ATXN1: variants seen among roughly 807,000 people sequenced by gnomAD.
The protein encoded by ATXN1 is ataxin-1.
Under a neutral mutation model 56.4 loss-of-function variants are expected in ATXN1, and 8 were observed. That is an observed-to-expected ratio of 0.14 (90% CI 0.08 to 0.26). The LOEUF (loss-of-function observed/expected upper bound fraction) is 0.26. ATXN1 is among the 10% of genes least tolerant of loss of function. The pLI is 1.00. For synonymous variants in ATXN1, 514 were observed against 494.6 expected, an observed-to-expected ratio of 1.04 and a Z score of -0.52; for missense variants, 987 against 1,106.5, an observed-to-expected ratio of 0.89 and a Z score of 1.53.
At chr6:16,647,056 A>G (rs1400535267) in intron 3 of ATXN1, among the ~76,000 whole-genome samples, 3 of 152,046 alleles carry the variant, frequency 2.0e-5, no homozygotes, top group Non-Finnish European at 4.4e-5. Flanking sequence ...CCAGGCTGGA[A>G]TGCAGTGGCA....
intron 6 of ATXN1, among the ~76,000 whole-genome samples, chr6:16,429,059 G>A (rs1373611985): frequency 6.6e-6 from 1 of 151,578 alleles, no homozygotes; most frequent in Non-Finnish European, 1.5e-5. Context: ...GGGTAGGGGG[G>A]TGGGAGGTCA....
intron 3 of ATXN1, among the ~76,000 whole-genome samples, chr6:16,590,272 A>G (rs1762699861): frequency 6.6e-6 from 1 of 152,246 alleles, no homozygotes; most frequent in Non-Finnish European, 1.5e-5. Context: ...GCAGAAATTT[A>G]ATGAAATAGA....
chr6:16,542,675 A>G (rs1283378328), intron 4 of ATXN1, among the ~76,000 whole-genome samples: 2 of 152,212 alleles, frequency 1.3e-5, no homozygotes, highest in African/African-American at 4.8e-5. Context: ...GACACATTCA[A>G]AAGACAGTTG....
intron 6 of ATXN1, among the ~76,000 whole-genome samples, chr6:16,445,626 C>A (rs976487664): frequency 1.4e-4 from 21 of 150,618 alleles, no homozygotes; most frequent in African/African-American, 4.2e-4. Context: ...GCACCCATTA[C>A]CTCGTCATCT....
At chr6:16,710,840 G>A (rs559565545) in intron 2 of ATXN1, among the ~76,000 whole-genome samples, 3 of 152,054 alleles carry the variant, frequency 2.0e-5, no homozygotes, top group East Asian at 1.9e-4. Context: ...TTTCTGCCTC[G>A]GCCTCCCAAA....
intron 3 of ATXN1, among the ~76,000 whole-genome samples, chr6:16,653,655 T>C (rs1422534782): frequency 2.0e-5 from 3 of 152,114 alleles, no homozygotes; most frequent in African/African-American, 7.2e-5. Flanking sequence ...CCAACAGAGT[T>C]AGTGATTACA....
intron 4 of ATXN1, among the ~76,000 whole-genome samples, chr6:16,563,898 G>A (rs1450644248): frequency 6.6e-6 from 1 of 152,184 alleles, no homozygotes; most frequent in East Asian, 1.9e-4. Context: ...CGGAGCATCT[G>A]ATTTATATTC....
At chr6:16,680,810 CT>C (rs1758798147) in intron 2 of ATXN1, among the ~76,000 whole-genome samples, 1 of 152,206 alleles carries the variant, frequency 6.6e-6, no homozygotes, top group Non-Finnish European at 1.5e-5. Context: ...TCTTCCCCCT[CT>C]TTAGGACTAA....
chr6:16,752,487 C>T (rs1484322194), intron 2 of ATXN1, among the ~76,000 whole-genome samples: 2 of 152,166 alleles, frequency 1.3e-5, no homozygotes, highest in African/African-American at 4.8e-5. Context: ...AGTCTGTCTT[C>T]ACAGTTTCAA....
chr6:16,340,918 G>T (rs1246917139), intron 6 of ATXN1, among the ~76,000 whole-genome samples: 1 of 152,204 alleles, frequency 6.6e-6, no homozygotes, highest in Non-Finnish European at 1.5e-5. Context: ...CTCAGAGAAA[G>T]CCTCCCTGTG....
intron 6 of ATXN1, among the ~76,000 whole-genome samples, chr6:16,423,798 A>G (rs2237208): frequency 0.18 from 27,075 of 152,200 alleles, 2,392 homozygotes; most frequent in Admixed American, 0.2. Flanking sequence ...TGCTGGTATC[A>G]TGCATACACA....
chr6:16,331,546 A>G (rs1169491619), intron 6 of ATXN1, among the ~76,000 whole-genome samples: 1 of 152,178 alleles, frequency 6.6e-6, no homozygotes, highest in Non-Finnish European at 1.5e-5. Flanking sequence ...AAAACCCCAC[A>G]GGGTTTCATG....
chr6:16,627,700 C>T (rs1763431832), intron 3 of ATXN1, among the ~76,000 whole-genome samples: 1 of 152,124 alleles, frequency 6.6e-6, no homozygotes, highest in Non-Finnish European at 1.5e-5. Context: ...GCACTCCAGC[C>T]TGGGTGGCAG....
At chr6:16,745,923 C>T (rs1760516687) in intron 2 of ATXN1, among the ~76,000 whole-genome samples, 1 of 141,796 alleles carries the variant, frequency 7.1e-6, no homozygotes, top group Admixed American at 7.3e-5. Context: ...CTCTTAAATG[C>T]TATGCCTTCC....
intron 2 of ATXN1, among the ~76,000 whole-genome samples, chr6:16,697,569 A>C (rs1169754251): frequency 6.6e-6 from 1 of 150,548 alleles, no homozygotes; most frequent in South Asian, 2.1e-4. Flanking sequence ...TTTTTTTCCT[A>C]TGCTGTTTCC....
chr6:16,663,362 G>A (rs1474686650), intron 2 of ATXN1, among the ~76,000 whole-genome samples: 11 of 151,980 alleles, frequency 7.2e-5, no homozygotes, highest in Admixed American at 5.2e-4. Context: ...AGTAGGAACC[G>A]GCAAGACCAA....
chr6:16,299,761 T>C lies in ATXN1; in HGVS notation c.*6568A>G, dbSNP rs776896751. 14 of 152,696 alleles carry C rather than the reference T, an allele frequency of 9.2e-5. No homozygotes were observed. Among genetic ancestry groups the C allele is most frequent in the African/African-American group, 9.6e-5 (4 of 41,466 alleles). The allele number at this position is 152,696 out of a possible 1,614,324, so 9.5% of individuals were successfully genotyped here. A position where few individuals can be genotyped will look rare whatever the true frequency, so the allele number is the denominator to read the frequency against. ...CACCACAAATACTGACAGGACTATC[T>C]TGAAACCTCCTTTCGGCTGACACTA... On this transcript the variant is annotated 3_prime_UTR_variant, in exon 8 of 8. Coordinates refer to ENST00000436367, the MANE Select transcript of ATXN1 (RefSeq NM_001128164.2).
intron 4 of ATXN1, among the ~76,000 whole-genome samples, chr6:16,551,413 T>C (rs972397282): frequency 4.3e-5 from 1 of 23,490 alleles, no homozygotes; most frequent in Non-Finnish European, 6.6e-5. Context: ...TCTGAGCTAA[T>C]GCTAAAGAAA....
At chr6:16,566,419 T>C (rs1167123854) in intron 4 of ATXN1, among the ~76,000 whole-genome samples, 2 of 152,032 alleles carry the variant, frequency 1.3e-5, no homozygotes, top group African/African-American at 4.8e-5. Context: ...CCTGCAGCAT[T>C]GGTGTAACTT....
Sources: gnomAD v4.1 joint callset for allele counts (sites outside exome capture counted in the v4.1 genomes callset) on GRCh38, gnomAD v4.1.1 for gene constraint, MANE v1.5 for transcripts, NCBI Gene and HGNC (gene_info 2026-07-23, HGNC 2026-07-21) for gene names.